The following SLC30A9 variants were observed in gnomAD, a reference collection of about 807,000 sequenced individuals.
SLC30A9 encodes solute carrier family 30 member 9.
Under a neutral mutation model 87.5 loss-of-function variants are expected in SLC30A9, and 58 were observed. That is an observed-to-expected ratio of 0.66 (90% confidence interval 0.54 to 0.82). The LOEUF is 0.82. Among genes scored for constraint, SLC30A9 ranks in the 40% least tolerant of loss-of-function variants. SLC30A9 has a pLI of 0.00. For missense variants in SLC30A9, 557 were observed against 679.1 expected (o/e 0.82, Z 2.00); for synonymous variants, 234 against 233.0 (o/e 1.00, Z -0.04).
intron 15 of SLC30A9, among the ~76,000 whole-genome samples, chr4:42,075,349 C>T (rs938478515): frequency 6.6e-6 from 1 of 151,740 alleles, no homozygotes; most frequent in African/African-American, 2.4e-5. Context: ...GTTGGGATTA[C>T]AGGCATGAGC....
At chr4:42,033,821 C>T (rs567565432) in intron 6 of SLC30A9, among the ~76,000 whole-genome samples, 34 of 152,174 alleles carry the variant, frequency 2.2e-4, no homozygotes, top group African/African-American at 4.1e-4. Context: ...GTGATCCACC[C>T]GCCTTGGCCT....
At chr4:42,059,303 G>A (rs189051163) in intron 9 of SLC30A9, among the ~76,000 whole-genome samples, 17 of 152,220 alleles carry the variant, frequency 1.1e-4, no homozygotes, top group African/African-American at 3.6e-4. Flanking sequence ...TTCTAATAAG[G>A]TAGTCTTATG....
At chr4:42,033,852 G>A (rs1392656100) in intron 6 of SLC30A9, among the ~76,000 whole-genome samples, 1 of 152,188 alleles carries the variant, frequency 6.6e-6, no homozygotes, top group African/African-American at 2.4e-5. Context: ...TGGGATTACA[G>A]GCATGAGCCA....
chr4:42,068,405 G>A (rs541544667), intron 14 of SLC30A9, among the ~76,000 whole-genome samples: 3 of 152,148 alleles, frequency 2.0e-5, no homozygotes, highest in African/African-American at 4.8e-5. Flanking sequence ...CACCACGCCC[G>A]GCTAGTTTTG....
chr4:41,993,172 A>G (rs1411896963), intron 1 of SLC30A9, among the ~76,000 whole-genome samples: 2 of 150,448 alleles, frequency 1.3e-5, no homozygotes, highest in African/African-American at 4.9e-5. Context: ...CGAAATTTAT[A>G]TATTTTAATA....
At chr4:42,047,541 G>T (rs1000598090) in intron 8 of SLC30A9, among the ~76,000 whole-genome samples, 3 of 152,164 alleles carry the variant, frequency 2.0e-5, no homozygotes, top group Non-Finnish European at 4.4e-5. Context: ...TCTATCTCAC[G>T]CCAGTTAGAT....
At chr4:42,040,422 G>T (rs1716872852) in intron 8 of SLC30A9, among the ~76,000 whole-genome samples, 1 of 152,100 alleles carries the variant, frequency 6.6e-6, no homozygotes, top group African/African-American at 2.4e-5. Flanking sequence ...AGGTTTGATA[G>T]TTTTTAGTAT....
rs746680331 is a variant in SLC30A9, at chr4:42,001,800, T to C, written c.274+20T>C. ...AAACAGGTATGTGTAATTTTTTTAA[T>C]GTACTTTTTTCTGTATACTGGAATA... On this transcript the variant is annotated intron_variant, in intron 2 of 17. Transcript: ENST00000264451. 6.4e-7 allele frequency: 1 copy of C among 1,572,590 alleles called. No individual in the cohort carries two copies.
intron 3 of SLC30A9, 53 bp from the exon 4 acceptor site, chr4:42,020,363 C>T (rs1715898474): frequency 2.4e-6 from 2 of 845,662 alleles, no homozygotes; most frequent in Non-Finnish European, 3.9e-6. Flanking sequence ...TATTCATCTT[C>T]ACATGTGACT....
chr4:42,006,627 C>T (rs1269317270), intron 2 of SLC30A9, among the ~76,000 whole-genome samples: 3 of 149,646 alleles, frequency 2.0e-5, no homozygotes, highest in African/African-American at 7.5e-5. Context: ...GTCAAGGTTG[C>T]AGTGAGCCAT....
chr4:42,078,001 T>G (rs564293550), intron 16 of SLC30A9, among the ~76,000 whole-genome samples: 64 of 152,290 alleles, frequency 4.2e-4, no homozygotes, highest in African/African-American at 1.5e-3. Context: ...CCCCAGTAAT[T>G]TTGTAGTGCT....
At chr4:42,013,261 A>T (rs1427508112) in intron 2 of SLC30A9, among the ~76,000 whole-genome samples, 1 of 152,224 alleles carries the variant, frequency 6.6e-6, no homozygotes, top group African/African-American at 2.4e-5. Context: ...CCTGGGTGAC[A>T]TAGCAAGATC....
intron 6 of SLC30A9, among the ~76,000 whole-genome samples, chr4:42,028,179 A>G (rs971996093): frequency 6.6e-6 from 1 of 152,174 alleles, no homozygotes; most frequent in Non-Finnish European, 1.5e-5. Context: ...GTGCAGTGGC[A>G]TGATCTCAGC....
At chr4:41,997,847 A>G (rs1714788361) in intron 1 of SLC30A9, among the ~76,000 whole-genome samples, 1 of 152,244 alleles carries the variant, frequency 6.6e-6, no homozygotes, top group African/African-American at 2.4e-5. Context: ...TTACTGCCTT[A>G]GAAATTTTGG....
intron 9 of SLC30A9, among the ~76,000 whole-genome samples, chr4:42,058,229 T>C (rs1398326467): frequency 1.3e-5 from 2 of 151,822 alleles, no homozygotes; most frequent in African/African-American, 4.8e-5. Flanking sequence ...AGTTCACAAA[T>C]CTCTAGGGCA....
At chr4:41,994,589 A>G (rs932455825) in intron 1 of SLC30A9, among the ~76,000 whole-genome samples, 2 of 151,844 alleles carry the variant, frequency 1.3e-5, no homozygotes, top group Non-Finnish European at 2.9e-5. Context: ...ATTTATTGTC[A>G]TAAGAAAAGT....
chr4:42,044,553 C>T (rs1717064756), intron 8 of SLC30A9, among the ~76,000 whole-genome samples: 1 of 152,170 alleles, frequency 6.6e-6, no homozygotes, highest in South Asian at 2.1e-4. Flanking sequence ...GAGGAGCACC[C>T]AGATTCATAA....
At chr4:42,006,322 C>G (rs1006314034) in intron 2 of SLC30A9, among the ~76,000 whole-genome samples, 1 of 152,084 alleles carries the variant, frequency 6.6e-6, no homozygotes, top group African/African-American at 2.4e-5. Flanking sequence ...ATAGGAGAGG[C>G]ACTTAACTGA....
rs1290100092 is a variant in SLC30A9, at chr4:42,067,203, C to T, written c.1252+11C>T. On this transcript the variant is annotated intron_variant, in intron 14 of 17. Coordinates refer to ENST00000264451, the MANE Select transcript of SLC30A9 (RefSeq NM_006345.4). ...TTACTTCTATAACAGGTAAATATTCCTTAAATTACAGGTGATTTATTTGTC... is the reference window on the plus strand; with the variant it reads ...TTACTTCTATAACAGGTAAATATTCTTTAAATTACAGGTGATTTATTTGTC... The T allele has an allele frequency of 1.4e-6, 2 of 1,440,908 alleles. No individual in the cohort carries two copies. Among genetic ancestry groups the T allele is most frequent in the Non-Finnish European group, 2.0e-6 (2 of 1,023,452 alleles). 89.3% of individuals were successfully genotyped at this position (1,440,908 alleles called of 1,614,324 possible).
Sources: allele counts gnomAD v4.1 joint callset (sites outside exome capture counted in the v4.1 genomes callset), GRCh38; gene constraint gnomAD v4.1.1; transcripts MANE v1.5; gene names NCBI Gene and HGNC (gene_info 2026-07-23, HGNC 2026-07-21).